The following SH2D4A variants were observed in gnomAD, a reference collection of about 807,000 sequenced individuals.
The protein encoded by SH2D4A is SH2 domain containing 4A.
A neutral mutation model predicts 64.7 loss-of-function variants in SH2D4A; 70 were observed. The observed-to-expected ratio is 1.08, with a 90% CI of 0.89 to 1.32. The LOEUF is 1.32. Ranked by LOEUF, SH2D4A falls within the 40% of genes most tolerant of loss-of-function variation. SH2D4A has a pLI of 0.00. For synonymous variants in SH2D4A, 268 were observed against 200.7 expected, an observed-to-expected ratio of 1.34 and a Z score of -2.83; for missense variants, 706 against 540.1, an observed-to-expected ratio of 1.31 and a Z score of -3.04.
chr8:19,315,528 C>T (rs940058411), intron 1 of SH2D4A, among the ~76,000 whole-genome samples: 1 of 152,146 alleles, frequency 6.6e-6, no homozygotes, highest in African/African-American at 2.4e-5. Context: ...TATTGTAGAA[C>T]AGTGTGAAGG....
intron 3 of SH2D4A, among the ~76,000 whole-genome samples, chr8:19,334,066 G>T (rs1463416496): frequency 2.0e-5 from 3 of 152,166 alleles, no homozygotes; most frequent in African/African-American, 4.8e-5. Context: ...ACTGAGGCAG[G>T]TGATGGCGCT....
chr8:19,325,064 C>T (rs1311834009), intron 2 of SH2D4A, among the ~76,000 whole-genome samples: 1 of 152,062 alleles, frequency 6.6e-6, no homozygotes, highest in Non-Finnish European at 1.5e-5. Flanking sequence ...CCCAATTCAC[C>T]AGCATCACTC....
chr8:19,369,265 C>T (rs752639871), intron 7 of SH2D4A, among the ~76,000 whole-genome samples: 1 of 151,986 alleles, frequency 6.6e-6, no homozygotes, highest in Non-Finnish European at 1.5e-5. Flanking sequence ...TATCTATGTT[C>T]ATCATCATCA....
intron 7 of SH2D4A, among the ~76,000 whole-genome samples, chr8:19,365,259 A>T (rs1166792817): frequency 1.3e-5 from 2 of 152,016 alleles, no homozygotes; most frequent in African/African-American, 4.8e-5. Context: ...ATTTCTACTT[A>T]CTCTACTGGA....
intron 8 of SH2D4A, 74 bp downstream of exon 8, chr8:19,373,734 G>C: frequency 6.6e-7 from 1 of 1,506,828 alleles, no homozygotes; most frequent in Non-Finnish European, 8.9e-7. Context: ...CAGGAAGCCA[G>C]AATAAAAGCT....
At chr8:19,361,180 T>C (rs777948391) in intron 5 of SH2D4A, 23 bp from the exon 6 acceptor site, 1 of 1,412,478 alleles carries the variant, frequency 7.1e-7, no homozygotes, top group Non-Finnish European at 9.7e-7. Context: ...GTTTTTGTTT[T>C]TTTTTGTTTT....
intron 2 of SH2D4A, among the ~76,000 whole-genome samples, chr8:19,326,872 C>A (rs2117191840): frequency 6.6e-6 from 1 of 152,336 alleles, no homozygotes; most frequent in South Asian, 2.1e-4. Flanking sequence ...CTAATCCACA[C>A]TGATGCCCAC....
At chr8:19,377,656 C>T (rs1274225680) in intron 8 of SH2D4A, among the ~76,000 whole-genome samples, 1 of 152,112 alleles carries the variant, frequency 6.6e-6, no homozygotes, top group African/African-American at 2.4e-5. Flanking sequence ...ACCTATCATG[C>T]AGTGTTTTAT....
chr8:19,347,748 T>A (rs2117246918), intron 4 of SH2D4A, among the ~76,000 whole-genome samples: 1 of 152,260 alleles, frequency 6.6e-6, no homozygotes, highest in African/African-American at 2.4e-5. Context: ...CATCTGGGAT[T>A]CAAAGTATTA....
At chr8:19,324,726 G>T (rs2052249795) in intron 2 of SH2D4A, among the ~76,000 whole-genome samples, 1 of 152,174 alleles carries the variant, frequency 6.6e-6, no homozygotes, top group South Asian at 2.1e-4. Context: ...TTGAGATGAG[G>T]CTGGGGGATC....
chr8:19,386,184 G>GT (rs1460795595), intron 8 of SH2D4A, among the ~76,000 whole-genome samples: 2 of 152,164 alleles, frequency 1.3e-5, no homozygotes, highest in African/African-American at 4.8e-5. Context: ...AGCAAAGCAC[G>GT]TTTTGTCCAA....
intron 5 of SH2D4A, among the ~76,000 whole-genome samples, chr8:19,360,628 G>C (rs989925275): frequency 2.6e-5 from 4 of 151,914 alleles, no homozygotes; most frequent in Non-Finnish European, 5.9e-5. Flanking sequence ...AAATAATAAT[G>C]ATATATATTT....
rs1467950701 is a variant in SH2D4A, at chr8:19,396,057, A to G, written c.*1415A>G. 1 of 152,194 alleles carries G rather than the reference A, an allele frequency of 6.6e-6. No individual in the cohort carries two copies. The highest frequency in any genetic ancestry group is 1.9e-4 in the East Asian group (1 of 5,178). The allele number at this position is 152,194 out of a possible 1,614,324, so 9.4% of individuals were successfully genotyped here. On this transcript the variant is annotated 3_prime_UTR_variant, in exon 10 of 10. Coordinates refer to ENST00000265807, the MANE Select transcript of SH2D4A (RefSeq NM_022071.4). Reference sequence around the variant, plus strand: ...CTGGAACCCCCGCCCACCTCAGTCCAGTCCCAGTCAGGCGAACGGCCTCTG... The same window carrying G: ...CTGGAACCCCCGCCCACCTCAGTCCGGTCCCAGTCAGGCGAACGGCCTCTG...
chr8:19,368,292 A>G (rs1354460565), intron 7 of SH2D4A, among the ~76,000 whole-genome samples: 1 of 152,114 alleles, frequency 6.6e-6, no homozygotes, highest in Non-Finnish European at 1.5e-5. Context: ...ATTTAGTGTG[A>G]TGCCTCCCAG....
intron 4 of SH2D4A, among the ~76,000 whole-genome samples, chr8:19,349,044 A>G (rs1267445374): frequency 6.6e-6 from 1 of 152,214 alleles, no homozygotes; most frequent in Non-Finnish European, 1.5e-5. Context: ...AATCGGATAA[A>G]GAGACAAAAG....
rs1039364876 is a variant in SH2D4A at position 19,314,164 on chromosome 8, T to C, written c.-205+341T>C. On this transcript the variant is annotated intron_variant, in intron 1 of 9. Transcript: ENST00000265807. Reference sequence around the variant, plus strand: ...AGAGGGTCTGCCGGGGCTGAGGACCTTCGGGGAAGTTCTGGAATCCGGCAG... The same window carrying C: ...AGAGGGTCTGCCGGGGCTGAGGACCCTCGGGGAAGTTCTGGAATCCGGCAG... The C allele has an allele frequency of 3.8e-5, 37 of 978,176 alleles. No homozygotes were observed. The African/African-American group carries it at 6.2e-4, about 16-fold the overall frequency. The allele number at this position is 978,176 out of a possible 1,614,324, so 60.6% of individuals were successfully genotyped here. A position where few individuals can be genotyped will look rare whatever the true frequency, so the allele number is the denominator to read the frequency against.
At chr8:19,350,214 T>C (rs2052678679) in intron 4 of SH2D4A, among the ~76,000 whole-genome samples, 2 of 152,224 alleles carry the variant, frequency 1.3e-5, no homozygotes, top group Non-Finnish European at 2.9e-5. Context: ...TTCAGGCGTC[T>C]CCCTGGATGA....
intron 9 of SH2D4A, 39 bp downstream of exon 9, chr8:19,393,580 C>T: frequency 1.9e-6 from 3 of 1,593,624 alleles, no homozygotes; most frequent in Non-Finnish European, 2.6e-6. Flanking sequence ...TTCTGAGTTA[C>T]TGTCCTGTAG....
intron 7 of SH2D4A, among the ~76,000 whole-genome samples, chr8:19,369,483 G>C (rs546081770): frequency 2.0e-5 from 3 of 151,908 alleles, no homozygotes; most frequent in Non-Finnish European, 4.4e-5. Context: ...TTTTTGATAG[G>C]ACACTTTATT....
Sources: allele counts gnomAD v4.1 joint callset (sites outside exome capture counted in the v4.1 genomes callset), GRCh38; gene constraint gnomAD v4.1.1; transcripts MANE v1.5; gene names NCBI Gene and HGNC (gene_info 2026-07-23, HGNC 2026-07-21).